KCNK13: variants seen among roughly 807,000 people sequenced by gnomAD.
KCNK13 encodes the protein potassium two pore domain channel subfamily K member 13, also known as potassium channel subfamily K member 13.
Under a neutral mutation model 23.4 loss-of-function variants are expected in KCNK13, and 12 were observed. The observed-to-expected ratio is 0.51, with a 90% confidence interval of 0.33 to 0.83. The LOEUF (loss-of-function observed/expected upper bound fraction) is 0.83. KCNK13 is among the 40% of genes least tolerant of loss of function. KCNK13 has a pLI of 0.02. For missense variants in KCNK13, 463 were observed against 556.3 expected (o/e 0.83, Z 1.69); for synonymous variants, 231 against 229.5 (o/e 1.01, Z -0.06).
At chr14:90,068,358 G>T (rs879749482) in intron 1 of KCNK13, among the ~76,000 whole-genome samples, 1 of 152,126 alleles carries the variant, frequency 6.6e-6, no homozygotes, top group Non-Finnish European at 1.5e-5. Context: ...ACTTTGGGAG[G>T]GGGAGGTGGG....
At chr14:90,157,368 A>G (rs927916087) in intron 1 of KCNK13, among the ~76,000 whole-genome samples, 6 of 152,094 alleles carry the variant, frequency 3.9e-5, no homozygotes, top group African/African-American at 1.4e-4. Flanking sequence ...GCACGTTGTA[A>G]CCACGAAAAA....
At chr14:90,178,231 C>CA (rs34726346) in intron 1 of KCNK13, among the ~76,000 whole-genome samples, 19,660 of 75,282 alleles carry the variant, frequency 0.26, 2,205 homozygotes, top group Non-Finnish European at 0.36. Context: ...TTCCTAAAAG[C>CA]AAAAAAAAAA....
At chr14:90,179,763 A>G (rs939721633) in intron 1 of KCNK13, among the ~76,000 whole-genome samples, 2 of 152,224 alleles carry the variant, frequency 1.3e-5, no homozygotes, top group Non-Finnish European at 2.9e-5. Flanking sequence ...TTGTATACCT[A>G]CAAAATATGG....
At chr14:90,074,571 G>A (rs1334571060) in intron 1 of KCNK13, among the ~76,000 whole-genome samples, 2 of 152,344 alleles carry the variant, frequency 1.3e-5, no homozygotes, top group Non-Finnish European at 2.9e-5. Flanking sequence ...TGACTAGATA[G>A]TGATGCTTTG....
intron 1 of KCNK13, among the ~76,000 whole-genome samples, chr14:90,073,342 C>T (rs1889099034): frequency 6.6e-6 from 1 of 152,198 alleles, no homozygotes; most frequent in Non-Finnish European, 1.5e-5. Context: ...CTCCCACCGG[C>T]AGTCCTCTCA....
chr14:90,076,963 G>A (rs1021051494), intron 1 of KCNK13, among the ~76,000 whole-genome samples: 3 of 152,064 alleles, frequency 2.0e-5, no homozygotes, highest in African/African-American at 4.8e-5. Context: ...GGGACTACAG[G>A]CATCCGCCAC....
At chr14:90,151,876 A>T (rs10144291) in intron 1 of KCNK13, among the ~76,000 whole-genome samples, 4,549 of 152,272 alleles carry the variant, frequency 0.03, 214 homozygotes, top group African/African-American at 0.1. Context: ...TATTGAAGAG[A>T]CTGTCCTTTT....
intron 1 of KCNK13, among the ~76,000 whole-genome samples, chr14:90,138,452 G>A (rs1175465948): frequency 6.6e-6 from 1 of 152,190 alleles, no homozygotes; most frequent in Non-Finnish European, 1.5e-5. Context: ...GTGACAGTGT[G>A]CTTAAAGTGT....
Position 90,170,361 on chromosome 14 carries a change from C to G in KCNK13, c.335-13750C>G, listed in dbSNP as rs149040119. The stretch of plus-strand genomic sequence containing the variant: ...CCCAAGTAACTGGGATTACAGGTGC[C>G]CACCACCACACCCAGCTAATTTTTG... On this transcript the variant is annotated intron_variant, in intron 1 of 1. Transcript: ENST00000282146. Among the ~76,000 whole-genome samples, 991 of 152,166 alleles carry G rather than the reference C, an allele frequency of 6.5e-3. 12 individuals are homozygous for G. The highest frequency in any genetic ancestry group is 0.023 in the African/African-American group (949 of 41,520).
chr14:90,087,154 A>G lies in KCNK13; in HGVS notation c.334+24615A>G, dbSNP rs200506733. On this transcript the variant is annotated intron_variant, in intron 1 of 1. Coordinates refer to ENST00000282146, the MANE Select transcript of KCNK13 (RefSeq NM_022054.4). ...CATATATATATATATATATATATATATTTTTTTTTTTTATTGAGATGGGGC... is the reference window on the plus strand; with the variant it reads ...CATATATATATATATATATATATATGTTTTTTTTTTTTATTGAGATGGGGC... Among the ~76,000 whole-genome samples the G allele has an allele frequency of 2.8e-5, 3 of 107,620 alleles. No homozygotes were observed. The East Asian group carries it at 8.0e-4, about 29-fold the overall frequency. The allele number at this position is 107,620 out of a possible 152,430, so 70.6% of individuals were successfully genotyped here. A position where few individuals can be genotyped will look rare whatever the true frequency, so the allele number is the denominator to read the frequency against.
At chr14:90,073,998 G>C (rs759892702) in intron 1 of KCNK13, among the ~76,000 whole-genome samples, 11 of 148,788 alleles carry the variant, frequency 7.4e-5, no homozygotes, top group Non-Finnish European at 1.6e-4. Flanking sequence ...TTTTTTGATG[G>C]GGGGACGGAG....
At chr14:90,118,160 A>G (rs1182716067) in intron 1 of KCNK13, among the ~76,000 whole-genome samples, 1 of 152,212 alleles carries the variant, frequency 6.6e-6, no homozygotes, top group African/African-American at 2.4e-5. Flanking sequence ...GTAAAGGTAG[A>G]GTAAATGCAG....
Position 90,088,037 on chromosome 14 carries a change from C to G in KCNK13, c.334+25498C>G, listed in dbSNP as rs137871327. 8.0e-3 allele frequency among the ~76,000 whole-genome samples: 1,220 copies of G among 152,264 alleles called. 15 individuals carry two copies. Among genetic ancestry groups the G allele is most frequent in the African/African-American group, 0.027 (1,129 of 41,530 alleles). On this transcript the variant is annotated intron_variant, in intron 1 of 1. Transcript: ENST00000282146. Reference sequence around the variant, plus strand: ...TTAATTTTTGAGACAGAGTCTCGCTCTATCACCCAGGCTGGAGTGCAGTGG... The same window carrying G: ...TTAATTTTTGAGACAGAGTCTCGCTGTATCACCCAGGCTGGAGTGCAGTGG...
At chr14:90,134,328 G>T (rs1451133974) in intron 1 of KCNK13, among the ~76,000 whole-genome samples, 1 of 152,162 alleles carries the variant, frequency 6.6e-6, no homozygotes, top group African/African-American at 2.4e-5. Context: ...ATGTCCAAGT[G>T]GTAGAAATAA....
intron 1 of KCNK13, among the ~76,000 whole-genome samples, chr14:90,135,106 G>A (rs565507222): frequency 6.6e-6 from 1 of 152,244 alleles, no homozygotes; most frequent in African/African-American, 2.4e-5. Flanking sequence ...GCCCACTTGG[G>A]GAACTCACAC....
Position 90,062,305 on chromosome 14 carries a change from G to A in KCNK13, c.100G>A (p.Gly34Ser). 6.4e-7 allele frequency: 1 copy of A among 1,558,752 alleles called. No homozygotes were observed. Among genetic ancestry groups the A allele is most frequent in the Non-Finnish European group, 8.6e-7 (1 of 1,160,220 alleles). ...AALIVLYLLG[G>S]AAVFSALELA... Reference sequence around the variant, plus strand: ...GCTCATCGTGCTCTACCTGCTGGGCGGCGCCGCCGTCTTCTCCGCGCTGGA... The same window carrying A: ...GCTCATCGTGCTCTACCTGCTGGGCAGCGCCGCCGTCTTCTCCGCGCTGGA... The change falls in exon 1 of 2, where the codon GGC (glycine) becomes AGC (serine). Residue 34 changes from glycine to serine, a missense_variant. By Grantham distance (56) the Gly-to-Ser change is moderately conservative. Around this residue, in one of 3 missense-constraint regions of KCNK13, gnomAD observed 153 missense variants for 153.6 expected, o/e 1.00. Coordinates refer to ENST00000282146, the MANE Select transcript of KCNK13 (RefSeq NM_022054.4). The surrounding 1 kb of genome is among the most constrained non-coding windows in gnomAD (Gnocchi z 4.5).
chr14:90,175,153 G>C (rs924747717), intron 1 of KCNK13, among the ~76,000 whole-genome samples: 81 of 152,288 alleles, frequency 5.3e-4, no homozygotes, highest in African/African-American at 1.9e-3. Flanking sequence ...AGCTTCCTTA[G>C]CTATTGTTTT....
At chr14:90,129,056 A>G (rs1889837101) in intron 1 of KCNK13, among the ~76,000 whole-genome samples, 1 of 152,140 alleles carries the variant, frequency 6.6e-6, no homozygotes, top group Admixed American at 6.6e-5. Context: ...ACTCTAAGCA[A>G]TGTATTGCTT....
chr14:90,132,966 C>A (rs982306433), intron 1 of KCNK13, among the ~76,000 whole-genome samples: 2 of 152,128 alleles, frequency 1.3e-5, no homozygotes, highest in East Asian at 1.9e-4. Flanking sequence ...CCACTGTACA[C>A]CATTTTCACG....
Sources: allele counts gnomAD v4.1 joint callset (sites outside exome capture counted in the v4.1 genomes callset), GRCh38; gene constraint gnomAD v4.1.1; regional missense constraint gnomAD v4.1.1; non-coding constraint Gnocchi (gnomAD v3.1); transcripts MANE v1.5; gene names NCBI Gene and HGNC (gene_info 2026-07-23, HGNC 2026-07-21).